LAMA4: variants seen among roughly 807,000 people sequenced by gnomAD.
LAMA4 encodes laminin subunit alpha 4.
Under a neutral mutation model 207.1 loss-of-function variants are expected in LAMA4, and 127 were observed. The observed-to-expected ratio is 0.61, with a 90% CI of 0.53 to 0.71. The LOEUF is 0.71. Among genes scored for constraint, LAMA4 ranks in the 30% least tolerant of loss-of-function variants. The probability of loss-of-function intolerance (pLI) is 0.00; values close to 1 mark genes in which losing one functional copy is unlikely to be tolerated. For synonymous variants in LAMA4, 761 were observed against 816.0 expected (o/e 0.93, Z 1.15); for missense variants, 2,093 against 2,246.5 (o/e 0.93, Z 1.38).
Position 112,158,636 on chromosome 6 carries a change from T to C in LAMA4, c.1817+96A>G, listed in dbSNP as rs149302820. ...GCATACCCAACCTTAATCAACCTGG[T>C]AAAATTGTATCCCAGTAGTTCTGAC... On this transcript the variant is annotated intron_variant, in intron 14 of 38. Transcript: ENST00000230538. 6.4e-5 allele frequency: 80 copies of C among 1,257,430 alleles called. No homozygotes were observed. In the African/African-American group the frequency reaches 1.1e-3, roughly 17 times the overall value. 77.9% of individuals were successfully genotyped at this position (1,257,430 alleles called of 1,614,324 possible). A position where few individuals can be genotyped will look rare whatever the true frequency, so the allele number is the denominator to read the frequency against.
chr6:112,253,869 A>G, intron 2 of LAMA4, 87 bp downstream of exon 2: 2 of 1,614,236 alleles, frequency 1.2e-6, no homozygotes, highest in African/African-American at 1.3e-5. Flanking sequence ...GAGAGGAAAG[A>G]GGCGGAGAGA....
At chr6:112,223,513 C>T (rs1785035783) in intron 2 of LAMA4, among the ~76,000 whole-genome samples, 1 of 152,186 alleles carries the variant, frequency 6.6e-6, no homozygotes, top group Non-Finnish European at 1.5e-5. Flanking sequence ...CATTTAATGA[C>T]CTACAGTCTT....
Position 112,190,942 on chromosome 6 carries a change from TC to T in LAMA4, c.718+693del, listed in dbSNP as rs1562714730. On this transcript the variant is annotated intron_variant, in intron 6 of 38. Coordinates refer to ENST00000230538, the MANE Select transcript of LAMA4 (RefSeq NM_001105206.3). The stretch of plus-strand genomic sequence containing the variant: ...TTCTTTCTTTCTTTCTTTCTTTCTT[TC>T]TTTCCTTTCTTTCTTTCTTTCTTTC... 5.8e-3 allele frequency among the ~76,000 whole-genome samples: 330 copies of T among 56,886 alleles called. 7 individuals are homozygous for T. Among genetic ancestry groups the T allele is most frequent in the Non-Finnish European group, 8.3e-3 (239 of 28,656 alleles). 37.3% of individuals were successfully genotyped at this position (56,886 alleles called of 152,430 possible).
intron 32 of LAMA4, among the ~76,000 whole-genome samples, chr6:112,120,773 A>G (rs1261112835): frequency 6.6e-6 from 1 of 152,208 alleles, no homozygotes; most frequent in Non-Finnish European, 1.5e-5. Context: ...GCTGGGTGCC[A>G]TGGCTCAGGC....
intron 2 of LAMA4, among the ~76,000 whole-genome samples, chr6:112,250,290 A>G (rs533910610): frequency 3.7e-4 from 57 of 152,342 alleles, no homozygotes; most frequent in Admixed American, 1.9e-3. Context: ...AAATGTTTTT[A>G]TTAAACATTC....
chr6:112,245,356 C>G (rs1701344550), intron 2 of LAMA4, among the ~76,000 whole-genome samples: 1 of 152,316 alleles, frequency 6.6e-6, no homozygotes, highest in African/African-American at 2.4e-5. Flanking sequence ...CTAGACATTT[C>G]TCTTCCCTTT....
chr6:112,122,005 T>C lies in LAMA4; in HGVS notation c.4475+9A>G. ...ATTAGGAGTCTAGGAGTATAGTGTG[T>C]TACTTTACTTGGCACCAAAATCTCC... On this transcript the variant is annotated intron_variant, in intron 32 of 38. Transcript: ENST00000230538. The C allele has an allele frequency of 6.2e-7, 1 of 1,610,440 alleles. No individual in the cohort carries two copies. Among genetic ancestry groups the C allele is most frequent in the Non-Finnish European group, 8.5e-7 (1 of 1,176,708 alleles).
intron 2 of LAMA4, among the ~76,000 whole-genome samples, chr6:112,228,742 G>A (rs1554363494): frequency 6.6e-6 from 1 of 152,244 alleles, no homozygotes; most frequent in Non-Finnish European, 1.5e-5. Context: ...TGCTGAGGCA[G>A]AGAGGAAGTG....
chr6:112,203,687 G>A (rs1198830028), intron 4 of LAMA4, among the ~76,000 whole-genome samples: 1 of 152,178 alleles, frequency 6.6e-6, no homozygotes, highest in Non-Finnish European at 1.5e-5. Flanking sequence ...TAGAGCTGTT[G>A]TCACTACAGA....
chr6:112,112,869 A>C (rs1206366194), intron 38 of LAMA4, among the ~76,000 whole-genome samples: 1 of 152,152 alleles, frequency 6.6e-6, no homozygotes, highest in East Asian at 1.9e-4. Flanking sequence ...GTCAGTTTAA[A>C]AATAATCTAT....
chr6:112,133,994 A>G (rs1189047215), intron 26 of LAMA4, among the ~76,000 whole-genome samples: 9 of 152,210 alleles, frequency 5.9e-5, no homozygotes, highest in African/African-American at 2.2e-4. Flanking sequence ...TTTTGGCATT[A>G]TTTCCAACAC....
intron 31 of LAMA4, among the ~76,000 whole-genome samples, chr6:112,126,281 T>C (rs1312579068): frequency 1.3e-5 from 2 of 152,184 alleles, no homozygotes; most frequent in Admixed American, 1.3e-4. Context: ...GTTAATCTGC[T>C]GCCTATGAAC....
intron 11 of LAMA4, among the ~76,000 whole-genome samples, chr6:112,173,175 C>T (rs1301354177): frequency 2.0e-5 from 3 of 152,064 alleles, no homozygotes; most frequent in African/African-American, 7.2e-5. Context: ...CCAAACTTAT[C>T]TTGTCGGTAA....
chr6:112,234,749 T>A (rs560867497), intron 2 of LAMA4: 2 of 152,270 alleles, frequency 1.3e-5, no homozygotes, highest in East Asian at 3.9e-4. Context: ...AATGCTTATT[T>A]CCACCGAACA....
At chr6:112,133,909 CTT>C (rs1285901962) in intron 26 of LAMA4, among the ~76,000 whole-genome samples, 3 of 152,152 alleles carry the variant, frequency 2.0e-5, no homozygotes. Flanking sequence ...AAATTATTCT[CTT>C]ATGTCACAAG....
intron 3 of LAMA4, among the ~76,000 whole-genome samples, chr6:112,208,397 G>C (rs1371459750): frequency 6.6e-6 from 1 of 152,148 alleles, no homozygotes; most frequent in African/African-American, 2.4e-5. Context: ...ATTTTGTATG[G>C]ATTAACTGAC....
intron 2 of LAMA4, chr6:112,234,860 C>A (rs1785794565): frequency 6.6e-6 from 1 of 152,120 alleles, no homozygotes; most frequent in Admixed American, 6.6e-5. Context: ...AGAGCCCAGC[C>A]CTTTAATAAA....
At chr6:112,248,675 G>A (rs1787190145) in intron 2 of LAMA4, among the ~76,000 whole-genome samples, 1 of 152,008 alleles carries the variant, frequency 6.6e-6, no homozygotes, top group African/African-American at 2.4e-5. Flanking sequence ...GTATTCCATA[G>A]GTAATACTGT....
Position 112,163,170 on chromosome 6 carries a change from G to T in LAMA4, c.1668+1990C>A, listed in dbSNP as rs569884056. On this transcript the variant is annotated intron_variant, in intron 13 of 38. Transcript: ENST00000230538. ...AAAAATTTTCTTTTTTGTAGAGAGG[G>T]GGTCTCACTATGTTTCCCAGGCTGG... Among the ~76,000 whole-genome samples the T allele has an allele frequency of 5.3e-5, 8 of 151,096 alleles. No individual in the cohort carries two copies. The South Asian group carries it at 1.5e-3, about 28-fold the overall frequency.
Sources: gnomAD v4.1 joint callset for allele counts (sites outside exome capture counted in the v4.1 genomes callset) on GRCh38, gnomAD v4.1.1 for gene constraint, MANE v1.5 for transcripts, NCBI Gene and HGNC (gene_info 2026-07-23, HGNC 2026-07-21) for gene names.